Variants in DLG2 observed in about 807,000 individuals in gnomAD.
The protein encoded by DLG2 is disks large homolog 2.
Under a neutral mutation model 132.5 loss-of-function variants are expected in DLG2, and 45 were observed. The ratio of observed to expected loss-of-function variants is 0.34; its 90% CI spans 0.27 to 0.44. The LOEUF is 0.44. Ranked by LOEUF, DLG2 falls within the 20% of genes least tolerant of loss-of-function variation. The pLI is 1.00. For synonymous variants in DLG2, 424 were observed against 419.6 expected (o/e 1.01, Z -0.13); for missense variants, 1,045 against 1,196.9 (o/e 0.87, Z 1.87).
intron 7 of DLG2, among the ~76,000 whole-genome samples, chr11:84,362,756 G>A (rs1297669871): frequency 3.9e-5 from 6 of 151,910 alleles, no homozygotes; most frequent in Admixed American, 1.3e-4. Flanking sequence ...GAGAATGTGC[G>A]GTGTTTGGTT....
At chr11:83,955,897 C>T (rs1338859983) in intron 14 of DLG2, among the ~76,000 whole-genome samples, 3 of 152,206 alleles carry the variant, frequency 2.0e-5, no homozygotes, top group Non-Finnish European at 4.4e-5. Flanking sequence ...GAAGGCTGCA[C>T]TGCTGGCTTC....
chr11:85,431,383 C>T (rs551759816), intron 3 of DLG2, among the ~76,000 whole-genome samples: 5 of 152,300 alleles, frequency 3.3e-5, no homozygotes, highest in African/African-American at 1.2e-4. Context: ...GGCAACCATG[C>T]TTTTTCCACT....
At chr11:85,521,949 T>A (rs1459329502) in intron 3 of DLG2, among the ~76,000 whole-genome samples, 1 of 151,560 alleles carries the variant, frequency 6.6e-6, no homozygotes, top group South Asian at 2.1e-4. Context: ...AAAAAAAAAA[T>A]TCTGGGGAGA....
At chr11:83,944,574 G>C (rs969616924) in intron 14 of DLG2, among the ~76,000 whole-genome samples, 7 of 152,204 alleles carry the variant, frequency 4.6e-5, no homozygotes, top group Non-Finnish European at 1.0e-4. Context: ...TGAGGACACA[G>C]GGAATAACAG....
intron 9 of DLG2, among the ~76,000 whole-genome samples, chr11:84,106,781 G>C (rs1463806734): frequency 6.6e-6 from 1 of 151,460 alleles, no homozygotes; most frequent in East Asian, 1.9e-4. Context: ...GAGAAGCAAA[G>C]AAAAGTAAAC....
In DLG2 at chr11:83,681,965, C is replaced by A. The variant is rs146859457; in HGVS notation, c.1826-48640G>T. 70 of 192,062 alleles carry A rather than the reference C, an allele frequency of 3.6e-4. No individual in the cohort carries two copies. In the East Asian group the frequency reaches 0.01, roughly 29 times the overall value. The allele number at this position is 192,062 out of a possible 1,614,324, so 11.9% of individuals were successfully genotyped here. On this transcript the variant is annotated intron_variant, in intron 18 of 27. Transcript: ENST00000376104. ...CCAAAGAAAGCAGCCTTCCAAGGAT[C>A]AAGGTGAATAATTGATTCATCGGCT...
chr11:83,635,051 G>A (rs1314363355), intron 18 of DLG2, among the ~76,000 whole-genome samples: 1 of 152,148 alleles, frequency 6.6e-6, no homozygotes, highest in Non-Finnish European at 1.5e-5. Flanking sequence ...TTTCTAGCAA[G>A]AGAAAACATT....
intron 15 of DLG2, among the ~76,000 whole-genome samples, chr11:83,874,972 C>T (rs1289684368): frequency 6.6e-6 from 1 of 152,040 alleles, no homozygotes; most frequent in Non-Finnish European, 1.5e-5. Flanking sequence ...AGCATAAAAA[C>T]ATACATTTCT....
chr11:83,942,671 C>T (rs12275162), intron 14 of DLG2, among the ~76,000 whole-genome samples: 11,636 of 152,238 alleles, frequency 0.076, 607 homozygotes, highest in Non-Finnish European at 0.12. Context: ...GTTAATAGTG[C>T]TTTCTCTGAA....
chr11:85,252,371 G>A (rs936334431), intron 4 of DLG2, among the ~76,000 whole-genome samples: 3 of 152,140 alleles, frequency 2.0e-5, no homozygotes, highest in Admixed American at 6.5e-5. Flanking sequence ...GGCGGATCAC[G>A]AGGTCAGGAG....
chr11:85,604,298 A>T (rs1294936958), intron 2 of DLG2, among the ~76,000 whole-genome samples: 1 of 152,232 alleles, frequency 6.6e-6, no homozygotes, highest in Non-Finnish European at 1.5e-5. Context: ...TTGATTATTG[A>T]GAATGATCAT....
At chr11:84,813,044 A>C (rs1226794994) in intron 6 of DLG2, among the ~76,000 whole-genome samples, 1 of 152,116 alleles carries the variant, frequency 6.6e-6, no homozygotes, top group East Asian at 1.9e-4. Context: ...GTTTAATAGG[A>C]AGGCTGTTTA....
At position 84,639,760 on chromosome 11, in the gene DLG2, C is replaced by A. The variant is rs1031054316; in HGVS notation, c.358-105029G>T. On this transcript the variant is annotated intron_variant, in intron 6 of 27. Coordinates refer to ENST00000376104, the MANE Select transcript of DLG2 (RefSeq NM_001142699.3). Reference sequence around the variant, plus strand: ...CCAATGCTCCCTCCCAGGGTCATATCTGCTTTCTCAGTTCCCTCTCTTCTT... The same window carrying A: ...CCAATGCTCCCTCCCAGGGTCATATATGCTTTCTCAGTTCCCTCTCTTCTT... Among the ~76,000 whole-genome samples the A allele has an allele frequency of 2.0e-5, 3 of 152,080 alleles. No homozygotes were observed. In the East Asian group the frequency reaches 5.8e-4, roughly 29 times the overall value.
chr11:85,158,274 C>G (rs1305462296), intron 4 of DLG2, among the ~76,000 whole-genome samples: 4 of 152,124 alleles, frequency 2.6e-5, no homozygotes, highest in Non-Finnish European at 4.4e-5. Context: ...TCCGGCCCCA[C>G]TAAGTAGGGA....
intron 14 of DLG2, among the ~76,000 whole-genome samples, chr11:83,942,937 T>C (rs2082994470): frequency 6.6e-6 from 1 of 152,180 alleles, no homozygotes; most frequent in Non-Finnish European, 1.5e-5. Flanking sequence ...GGAGGGACCC[T>C]GTGGGAGGTA....
intron 4 of DLG2, among the ~76,000 whole-genome samples, chr11:85,241,656 C>CT (rs982072993): frequency 4.0e-5 from 6 of 151,878 alleles, no homozygotes; most frequent in African/African-American, 1.4e-4. Context: ...AGTCACATGA[C>CT]TAAGATATTA....
chr11:85,098,210 T>C (rs2070222395), intron 6 of DLG2, among the ~76,000 whole-genome samples: 1 of 152,186 alleles, frequency 6.6e-6, no homozygotes, highest in Non-Finnish European at 1.5e-5. Context: ...CGGTACTGAG[T>C]GACTTCAAAG....
chr11:84,497,948 T>C (rs139097085), intron 7 of DLG2, among the ~76,000 whole-genome samples: 561 of 152,150 alleles, frequency 3.7e-3, no homozygotes, highest in African/African-American at 0.013. Flanking sequence ...CACGATACAC[T>C]AGAGGACAGA....
At chr11:85,001,773 G>A (rs943046185) in intron 6 of DLG2, among the ~76,000 whole-genome samples, 16 of 152,158 alleles carry the variant, frequency 1.1e-4, no homozygotes, top group African/African-American at 3.1e-4. Context: ...GGGTGATAAC[G>A]ATGTGTCAAT....
Sources: gnomAD v4.1 joint callset for allele counts (sites outside exome capture counted in the v4.1 genomes callset) on GRCh38, gnomAD v4.1.1 for gene constraint, MANE v1.5 for transcripts, NCBI Gene and HGNC (gene_info 2026-07-23, HGNC 2026-07-21) for gene names.